Variants in BNC2 observed in about 807,000 individuals in gnomAD.
The protein encoded by BNC2 is basonuclin zinc finger protein 2.
Under a neutral mutation model 76.3 loss-of-function variants are expected in BNC2, and 20 were observed. That is an observed-to-expected ratio of 0.26 (90% CI 0.18 to 0.38). The LOEUF is 0.38. BNC2 is among the 10% of genes least tolerant of loss of function. The pLI, the probability that BNC2 is intolerant of heterozygous loss-of-function variation, is 1.00. For synonymous variants in BNC2, 582 were observed against 514.8 expected (o/e 1.13, Z -1.77); for missense variants, 1,382 against 1,399.8 (o/e 0.99, Z 0.20).
chr9:16,715,154 T>A (rs1810502675), intron 3 of BNC2, among the ~76,000 whole-genome samples: 1 of 152,228 alleles, frequency 6.6e-6, no homozygotes, highest in Non-Finnish European at 1.5e-5. Flanking sequence ...TTCATCTACA[T>A]CAATTACTTA....
chr9:16,459,630 C>T (rs1445490309), intron 5 of BNC2, among the ~76,000 whole-genome samples: 1 of 152,152 alleles, frequency 6.6e-6, no homozygotes. Context: ...GGCACCCACA[C>T]ACATAGCAAC....
At chr9:16,446,342 T>C (rs1175958378) in intron 5 of BNC2, among the ~76,000 whole-genome samples, 1 of 152,088 alleles carries the variant, frequency 6.6e-6, no homozygotes, top group Admixed American at 6.6e-5. Context: ...TGGATTAAAG[T>C]GGAAGTTTGA....
At chr9:16,681,140 CT>C (rs1392508957) in intron 3 of BNC2, among the ~76,000 whole-genome samples, 1 of 152,178 alleles carries the variant, frequency 6.6e-6, no homozygotes, top group Non-Finnish European at 1.5e-5. Flanking sequence ...TGGTGGCATA[CT>C]TGCAGCAAGC....
chr9:16,837,782 T>C (rs954848811), intron 1 of BNC2, among the ~76,000 whole-genome samples: 6 of 152,168 alleles, frequency 3.9e-5, no homozygotes, highest in African/African-American at 7.2e-5. Flanking sequence ...AGCCTGGTCT[T>C]AGGGCTCCTA....
At chr9:16,576,727 T>C (rs1272895631) in intron 4 of BNC2, among the ~76,000 whole-genome samples, 8 of 152,220 alleles carry the variant, frequency 5.3e-5, no homozygotes, top group Non-Finnish European at 1.2e-4. Context: ...AGGACTGATA[T>C]AATCAACAGC....
chr9:16,830,484 G>A (rs1291757131), intron 1 of BNC2, among the ~76,000 whole-genome samples: 1 of 152,174 alleles, frequency 6.6e-6, no homozygotes, highest in African/African-American at 2.4e-5. Context: ...TACTGTGTAG[G>A]CAGTAATGAC....
At chr9:16,440,605 T>C (rs560994938) in intron 5 of BNC2, among the ~76,000 whole-genome samples, 57 of 152,282 alleles carry the variant, frequency 3.7e-4, no homozygotes, top group African/African-American at 1.3e-3. Context: ...TCAGAAACCA[T>C]AGGAACTGAT....
At chr9:16,672,372 CT>C (rs1351784325) in intron 3 of BNC2, among the ~76,000 whole-genome samples, 2 of 152,110 alleles carry the variant, frequency 1.3e-5, no homozygotes, top group Non-Finnish European at 2.9e-5. Context: ...TGGCGGGCAC[CT>C]GTAGCCCCAG....
At chr9:16,572,059 G>A (rs190756428) in intron 4 of BNC2, among the ~76,000 whole-genome samples, 86 of 152,106 alleles carry the variant, frequency 5.7e-4, no homozygotes, top group Admixed American at 1.0e-3. Flanking sequence ...TGGAAAACAC[G>A]ATTAGCCAAA....
chr9:16,726,018 G>C (rs1445917681), intron 3 of BNC2, among the ~76,000 whole-genome samples: 3 of 99,960 alleles, frequency 3.0e-5, no homozygotes, highest in African/African-American at 7.5e-5. Context: ...ACACACACAC[G>C]ACCTCCACTA....
At chr9:16,650,168 G>C (rs914354597) in intron 3 of BNC2, among the ~76,000 whole-genome samples, 2 of 152,158 alleles carry the variant, frequency 1.3e-5, no homozygotes, top group Non-Finnish European at 2.9e-5. Context: ...TCATTCACAA[G>C]ACACAGGAAC....
chr9:16,751,652 A>ATATATATGTGTG (rs775227367), intron 1 of BNC2, among the ~76,000 whole-genome samples: 10 of 86,958 alleles, frequency 1.1e-4, no homozygotes, highest in Non-Finnish European at 1.5e-4. Flanking sequence ...GTATGTGTGT[A>ATATATATGTGTG]TATATATATG....
At chr9:16,845,466 A>T (rs527461628) in intron 1 of BNC2, among the ~76,000 whole-genome samples, 2 of 152,192 alleles carry the variant, frequency 1.3e-5, no homozygotes, top group East Asian at 1.9e-4. Context: ...TCACACCTGT[A>T]ATCCCAGCAA....
At chr9:16,854,775 A>G (rs911349083) in intron 1 of BNC2, among the ~76,000 whole-genome samples, 26 of 151,910 alleles carry the variant, frequency 1.7e-4, no homozygotes, top group Non-Finnish European at 3.4e-4. Context: ...TAACGTATCT[A>G]AAGAAAGAGA....
intron 6 of BNC2, among the ~76,000 whole-genome samples, chr9:16,430,156 T>C (rs1820880337): frequency 6.6e-6 from 1 of 152,054 alleles, no homozygotes; most frequent in South Asian, 2.1e-4. Context: ...AAAAGGTCTA[T>C]TGATCTTGCT....
At chr9:16,795,721 C>T (rs1817629551) in intron 1 of BNC2, among the ~76,000 whole-genome samples, 1 of 151,996 alleles carries the variant, frequency 6.6e-6, no homozygotes, top group African/African-American at 2.4e-5. Context: ...GAGTTTGGTT[C>T]CCAAGGGTGT....
intron 3 of BNC2, among the ~76,000 whole-genome samples, chr9:16,655,523 A>G (rs1821905827): frequency 6.6e-6 from 1 of 152,204 alleles, no homozygotes; most frequent in South Asian, 2.1e-4. Context: ...GGCCATAAAA[A>G]GGCAGGACTA....
chr9:16,468,546 C>A (rs554139013), intron 5 of BNC2, among the ~76,000 whole-genome samples: 2 of 152,122 alleles, frequency 1.3e-5, no homozygotes, highest in African/African-American at 4.8e-5. Context: ...CAGGCGTGCA[C>A]CACCACGCCT....
At chr9:16,853,557 C>T (rs1348699473) in intron 1 of BNC2, among the ~76,000 whole-genome samples, 1 of 152,086 alleles carries the variant, frequency 6.6e-6, no homozygotes, top group Non-Finnish European at 1.5e-5. Context: ...ATTTTCATTT[C>T]AGACACATTT....
Sources: gnomAD v4.1 joint callset for allele counts (sites outside exome capture counted in the v4.1 genomes callset) on GRCh38, gnomAD v4.1.1 for gene constraint, MANE v1.5 for transcripts, NCBI Gene and HGNC (gene_info 2026-07-23, HGNC 2026-07-21) for gene names.